The following EIF4G3 variants were observed in gnomAD, a reference collection of about 807,000 sequenced individuals.
EIF4G3 encodes eIF-4-gamma 3.
EIF4G3 carries 34 observed loss-of-function variants against 186.4 expected under a neutral mutation model. The observed-to-expected ratio is 0.18, with a 90% confidence interval of 0.14 to 0.24. The LOEUF (loss-of-function observed/expected upper bound fraction) is 0.24. Ranked by LOEUF, EIF4G3 falls within the 10% of genes least tolerant of loss-of-function variation. The pLI is 1.00. For synonymous variants in EIF4G3, 673 were observed against 679.5 expected, an observed-to-expected ratio of 0.99 and a Z score of 0.15; for missense variants, 1,536 against 1,948.5, an observed-to-expected ratio of 0.79 and a Z score of 3.99.
At chr1:20,954,534 C>CAAAA (rs35942587) in intron 12 of EIF4G3, among the ~76,000 whole-genome samples, 156 of 48,458 alleles carry the variant, frequency 3.2e-3, no homozygotes, top group Non-Finnish European at 4.2e-3. Context: ...GACCCCGTCT[C>CAAAA]AAAAAAAAAA....
intron 2 of EIF4G3, among the ~76,000 whole-genome samples, chr1:21,120,261 C>A (rs558408031): frequency 2.1e-4 from 32 of 151,694 alleles, no homozygotes; most frequent in African/African-American, 7.0e-4. Flanking sequence ...CTCAATTACA[C>A]ATCATTAAGT....
Position 20,864,532 on chromosome 1 carries a change from A to G in EIF4G3, c.2950T>C (p.Cys984Arg). The change falls in exon 22 of 37, where the codon TGC becomes CGC. Residue 984 changes from cysteine (C) to arginine (R), a missense_variant. Cys to Arg is a radical substitution (Grantham distance 180). Around this residue, in one of 11 missense-constraint regions of EIF4G3, gnomAD observed 110 missense variants for 166.2 expected, o/e 0.66. Transcript: ENST00000602326. ...LKNHDEESLE[C>R]LCRLLTTIGK... Reference sequence around the variant, plus strand: ...ATGGTGGTGAGCAGGCGACACAGGCACTCCAGGGATTCTTCATCATGGTTC... The same window carrying G: ...ATGGTGGTGAGCAGGCGACACAGGCGCTCCAGGGATTCTTCATCATGGTTC... 6.2e-7 allele frequency: 1 copy of G among 1,614,122 alleles called. No individual in the cohort carries two copies. Among genetic ancestry groups the G allele is most frequent in the Non-Finnish European group, 8.5e-7 (1 of 1,180,022 alleles).
intron 4 of EIF4G3, among the ~76,000 whole-genome samples, chr1:21,003,061 T>C (rs1020312270): frequency 6.6e-6 from 1 of 150,594 alleles, no homozygotes; most frequent in African/African-American, 2.4e-5. Context: ...AGTGGCACAA[T>C]CACGGCTCAC....
At chr1:20,898,028 C>T (rs978028641) in intron 16 of EIF4G3, among the ~76,000 whole-genome samples, 2 of 152,228 alleles carry the variant, frequency 1.3e-5, no homozygotes, top group African/African-American at 4.8e-5. Context: ...TACAAGTACT[C>T]TGTGACCTGG....
intron 2 of EIF4G3, among the ~76,000 whole-genome samples, chr1:21,132,176 C>G (rs904119411): frequency 2.0e-5 from 3 of 151,886 alleles, no homozygotes; most frequent in African/African-American, 7.3e-5. Context: ...GATATTTGTC[C>G]TTGAAATGAG....
intron 2 of EIF4G3, among the ~76,000 whole-genome samples, chr1:21,113,408 TGGAAAAAACCTGGTCTTAGACCA>T (rs892433340): frequency 1.3e-5 from 2 of 152,002 alleles, no homozygotes; most frequent in African/African-American, 4.8e-5. Context: ...TTGAAGTCTG[TGGAAAAAACCTGGTCTTAGACCA>T]GGAAAAAAGA....
chr1:20,935,267 C>A (rs1240329939), intron 14 of EIF4G3, among the ~76,000 whole-genome samples: 2 of 152,114 alleles, frequency 1.3e-5, no homozygotes, highest in African/African-American at 4.8e-5. Context: ...ATCAGCAAAA[C>A]AGAAATAACT....
At chr1:20,817,653 G>C (rs1036954345) in intron 33 of EIF4G3, 115 bp from the exon 34 acceptor site, 29 of 437,402 alleles carry the variant, frequency 6.6e-5, no homozygotes, top group Non-Finnish European at 8.5e-5. Context: ...GAATCAAAAT[G>C]ATCAGCAGAG....
intron 14 of EIF4G3, among the ~76,000 whole-genome samples, chr1:20,939,670 T>A (rs1326000527): frequency 6.6e-6 from 1 of 152,208 alleles, no homozygotes; most frequent in Non-Finnish European, 1.5e-5. Flanking sequence ...GTTTTGTTTT[T>A]CTTTGCTTTT....
At chr1:20,918,817 T>C (rs1181911162) in intron 14 of EIF4G3, among the ~76,000 whole-genome samples, 6 of 150,864 alleles carry the variant, frequency 4.0e-5, no homozygotes, top group African/African-American at 1.5e-4. Flanking sequence ...GCAGCTGAGA[T>C]TATAGGTCTG....
chr1:20,827,621 T>C lies in EIF4G3; in HGVS notation c.4265A>G (p.Gln1422Arg). 2 of 1,600,532 alleles carry C rather than the reference T, an allele frequency of 1.2e-6. No individual in the cohort carries two copies. The highest frequency in any genetic ancestry group is 8.6e-7 in the Non-Finnish European group (1 of 1,168,202). The change falls in exon 32 of 37, where the codon CAA (glutamine) becomes CGA (arginine). Residue 1422 changes from glutamine to arginine, a missense_variant. By Grantham distance (43) the Gln-to-Arg change is conservative. Transcript: ENST00000602326. ...LSEILHLLCK[Q>R]MSHKKVGALW... ...GACACTCAGTGTAACACTCACCATT[T>C]GTTTGCATAGTAGGTGCAATATTTC...
intron 11 of EIF4G3, among the ~76,000 whole-genome samples, chr1:20,971,452 CT>C (rs2075867632): frequency 6.6e-6 from 1 of 152,156 alleles, no homozygotes; most frequent in Non-Finnish European, 1.5e-5. Context: ...ATTCATTTTT[CT>C]GCATTCTGAG....
chr1:20,986,270 A>G (rs1410603131), intron 7 of EIF4G3, among the ~76,000 whole-genome samples: 1 of 152,210 alleles, frequency 6.6e-6, no homozygotes, highest in Non-Finnish European at 1.5e-5. Context: ...CTCCAATTCC[A>G]TTAATGAAAC....
chr1:20,817,050 T>C (rs899271356), intron 34 of EIF4G3, among the ~76,000 whole-genome samples: 3 of 139,608 alleles, frequency 2.1e-5, no homozygotes, highest in African/African-American at 5.4e-5. Context: ...GGCAGCATGC[T>C]CGTTAAGAGT....
chr1:20,807,854 CTGGGT>C (rs2058380237), intron 36 of EIF4G3, among the ~76,000 whole-genome samples: 3 of 141,530 alleles, frequency 2.1e-5, no homozygotes, highest in African/African-American at 7.8e-5. Flanking sequence ...CCTCTACCTC[CTGGGT>C]TTAAGCAATT....
intron 4 of EIF4G3, among the ~76,000 whole-genome samples, chr1:21,035,351 T>G (rs1166131142): frequency 1.3e-5 from 2 of 152,098 alleles, no homozygotes; most frequent in African/African-American, 4.8e-5. Context: ...CCCTCCTGAG[T>G]TGGCAGGGCA....
At chr1:20,932,626 G>T (rs893847404) in intron 14 of EIF4G3, among the ~76,000 whole-genome samples, 1 of 152,016 alleles carries the variant, frequency 6.6e-6, no homozygotes, top group Non-Finnish European at 1.5e-5. Context: ...AAGAGGGAGG[G>T]AGAGAGATGG....
chr1:20,914,456 G>A (rs913289986), intron 14 of EIF4G3, among the ~76,000 whole-genome samples: 3 of 152,080 alleles, frequency 2.0e-5, no homozygotes, highest in Non-Finnish European at 4.4e-5. Context: ...AAGAATGTAA[G>A]CAGTCTCTAA....
At chr1:21,061,464 A>C (rs2094908968) in intron 3 of EIF4G3, among the ~76,000 whole-genome samples, 1 of 152,234 alleles carries the variant, frequency 6.6e-6, no homozygotes, top group African/African-American at 2.4e-5. Context: ...GGAAATAATA[A>C]GTAGTGTGTT....
Sources: allele counts gnomAD v4.1 joint callset (sites outside exome capture counted in the v4.1 genomes callset), GRCh38; gene constraint gnomAD v4.1.1; regional missense constraint gnomAD v4.1.1; transcripts MANE v1.5; gene names NCBI Gene and HGNC (gene_info 2026-07-23, HGNC 2026-07-21).